The following UNC80 variants were observed in gnomAD, a reference collection of about 807,000 sequenced individuals.
The protein encoded by UNC80 is protein unc-80 homolog.
In UNC80, 164 loss-of-function variants were observed where a neutral mutation model predicts 384.6. The ratio of observed to expected loss-of-function variants is 0.43; its 90% CI spans 0.38 to 0.49. The LOEUF (loss-of-function observed/expected upper bound fraction) is 0.49, where lower values mean the gene tolerates loss of function less well. Ranked by LOEUF, UNC80 falls within the 20% of genes least tolerant of loss-of-function variation. The pLI, the probability that UNC80 is intolerant of heterozygous loss-of-function variation, is 0.00. For missense variants in UNC80, 3,330 were observed against 4,143.0 expected (o/e 0.80, Z 5.39); for synonymous variants, 1,486 against 1,527.8 (o/e 0.97, Z 0.64).
At chr2:209,950,587 T>C (rs2092126329) in intron 47 of UNC80, among the ~76,000 whole-genome samples, 1 of 151,456 alleles carries the variant, frequency 6.6e-6, no homozygotes, top group African/African-American at 2.4e-5. Context: ...AACGGAGTTT[T>C]CGTTCTTGTT....
intron 28 of UNC80, 67 bp from the exon 29 acceptor site, chr2:209,904,698 C>G: frequency 7.3e-7 from 1 of 1,373,390 alleles, no homozygotes; most frequent in Non-Finnish European, 1.0e-6. Context: ...TCTTCCACCC[C>G]ATAGATATGT....
At chr2:209,800,009 A>C (rs1054607962) in intron 7 of UNC80, among the ~76,000 whole-genome samples, 1 of 152,200 alleles carries the variant, frequency 6.6e-6, no homozygotes, top group Non-Finnish European at 1.5e-5. Context: ...AATGTTCATC[A>C]GAGATATTAG....
intron 7 of UNC80, among the ~76,000 whole-genome samples, chr2:209,811,747 G>A (rs1409223032): frequency 6.6e-6 from 1 of 152,156 alleles, no homozygotes; most frequent in Non-Finnish European, 1.5e-5. Context: ...TAGACTGTAA[G>A]ATAGCATTGA....
intron 28 of UNC80, among the ~76,000 whole-genome samples, chr2:209,899,944 A>G (rs1272726674): frequency 6.6e-6 from 1 of 152,110 alleles, no homozygotes; most frequent in Non-Finnish European, 1.5e-5. Context: ...GTAATTCCAA[A>G]TTCTAATTTT....
chr2:209,894,304 A>G lies in UNC80; in HGVS notation c.4418A>G (p.Asp1473Gly). Reference protein sequence around the residue: ...SLKSSKLSRQDSESEAEELQL... With the variant: ...SLKSSKLSRQGSESEAEELQL... ...AAGAGCAGCAAGTTATCACGGCAGG[A>G]CTCAGAGTCTGAGGCTGAGGAGCTG... The change falls in exon 27 of 65, where the codon GAC (aspartate) becomes GGC (glycine). Residue 1473 changes from aspartate (D) to glycine (G), a missense_variant. Physicochemically the swap from Asp to Gly is moderately conservative, Grantham distance 94. Around this residue, in one of 8 missense-constraint regions of UNC80, gnomAD observed 801 missense variants for 950.8 expected, o/e 0.84. Coordinates refer to ENST00000673920, the MANE Select transcript of UNC80 (RefSeq NM_001371986.1). 3 of 985,300 alleles carry G rather than the reference A, an allele frequency of 3.0e-6. No homozygotes were observed. The highest frequency in any genetic ancestry group is 3.6e-6 in the Non-Finnish European group (3 of 829,910). 61.0% of individuals were successfully genotyped at this position (985,300 alleles called of 1,614,324 possible). A position where few individuals can be genotyped will look rare whatever the true frequency, so the allele number is the denominator to read the frequency against.
chr2:209,813,983 T>C, intron 8 of UNC80, 142 bp downstream of exon 8: 1 of 1,100,100 alleles, frequency 9.1e-7, no homozygotes, highest in Non-Finnish European at 1.3e-6. Flanking sequence ...ATCTTTTCCC[T>C]TCCATCTTGC....
chr2:209,866,533 C>CACACATACACACAG lies in UNC80; in HGVS notation c.3628-6224_3628-6223insCACATACACACAGA, dbSNP rs1307214321. Reference sequence around the variant, plus strand: ...ACACACACACACACACACACACACACAGAGAGAGAGAGAGAGAGAGAGAGA... The same window carrying CACACATACACACAG: ...ACACACACACACACACACACACACACACACATACACACAGAGAGAGAGAGAGAGAGAGAGAGAGA... On this transcript the variant is annotated intron_variant, in intron 22 of 64. Transcript: ENST00000673920. Among the ~76,000 whole-genome samples, 9 of 104,136 alleles carry CACACATACACACAG rather than the reference C, an allele frequency of 8.6e-5. No individual in the cohort carries two copies. In the East Asian group the frequency reaches 1.1e-3, roughly 12 times the overall value. 68.3% of individuals were successfully genotyped at this position (104,136 alleles called of 152,430 possible).
At position 209,904,835 on chromosome 2, in the gene UNC80, A is replaced by C. The variant is rs770083418; in HGVS notation, c.4652A>C (p.Tyr1551Ser). Residue 1551 changes from tyrosine to serine, a missense_variant, in exon 29 of 65, where the codon TAC becomes TCC. Physicochemically the swap from Tyr to Ser is moderately radical, Grantham distance 144. Around this residue, in one of 8 missense-constraint regions of UNC80, gnomAD observed 801 missense variants for 950.8 expected, o/e 0.84. Coordinates refer to ENST00000673920, the MANE Select transcript of UNC80 (RefSeq NM_001371986.1). Reference sequence around the variant, plus strand: ...GTTGACTACTGCCATCCCCACTGCTACCTGCACCACAGCCGCTCCTGTGCC... The same window carrying C: ...GTTGACTACTGCCATCCCCACTGCTCCCTGCACCACAGCCGCTCCTGTGCC... Reference protein sequence around the residue: ...THVDYCHPHCYLHHSRSCARL... With the variant: ...THVDYCHPHCSLHHSRSCARL... The C allele has an allele frequency of 6.4e-7, 1 of 1,551,822 alleles. No homozygotes were observed. The highest frequency in any genetic ancestry group is 8.7e-7 in the Non-Finnish European group (1 of 1,147,012).
At chr2:209,849,365 C>T in intron 21 of UNC80, 86 bp from the exon 22 acceptor site, 1 of 1,436,790 alleles carries the variant, frequency 7.0e-7, no homozygotes, top group Non-Finnish European at 9.5e-7. Context: ...AGAAAACACA[C>T]TGTTATATCT....
chr2:209,972,261 A>G lies in UNC80; in HGVS notation c.8317A>G (p.Arg2773Gly). 1 of 1,551,766 alleles carries G rather than the reference A, an allele frequency of 6.4e-7. No homozygotes were observed. Among genetic ancestry groups the G allele is most frequent in the Non-Finnish European group, 8.7e-7 (1 of 1,146,906 alleles). Residue 2773 changes from arginine (R) to glycine (G), a missense_variant, in exon 55 of 65, where the codon AGG becomes GGG. Transcript: ENST00000673920. The part of the protein sequence containing the change: ...VISPFTNQER[R>G]EGMLLNLLIP... Reference sequence around the variant, plus strand: ...CTCCCCATTCACCAATCAAGAGCGAAGGGAGGGGATGCTTTTAAATCTGCT... The same window carrying G: ...CTCCCCATTCACCAATCAAGAGCGAGGGGAGGGGATGCTTTTAAATCTGCT...
chr2:209,909,998 A>T (rs1356832807), intron 29 of UNC80, among the ~76,000 whole-genome samples: 1 of 149,712 alleles, frequency 6.7e-6, no homozygotes, highest in East Asian at 2.0e-4. Flanking sequence ...TAATAGAGGC[A>T]TCTACTAGTG....
Position 209,834,028 on chromosome 2 carries a change from G to T in UNC80, c.2802G>T (p.Leu934=). ...NLGLYCDIRQ[L]VQFIKEAHGN... ...GACTGTATTGTGACATTCGTCAGCT[G>T]GTCCAGTTTATCAAAGAGGCTCATG... The change falls in exon 17 of 65, where the codon CTG becomes CTT. Residue 934 remains leucine, a synonymous_variant. Coordinates refer to ENST00000673920, the MANE Select transcript of UNC80 (RefSeq NM_001371986.1). 1 of 1,551,654 alleles carries T rather than the reference G, an allele frequency of 6.4e-7. No individual in the cohort carries two copies. Among genetic ancestry groups the T allele is most frequent in the South Asian group, 1.2e-5 (1 of 84,044 alleles).
intron 58 of UNC80, 131 bp from the exon 59 acceptor site, chr2:209,978,398 A>G (rs752255090): frequency 1.4e-6 from 1 of 724,900 alleles, no homozygotes; most frequent in African/African-American, 1.8e-5. Context: ...CAACTTTGTT[A>G]TAAAGATCAT....
intron 13 of UNC80, among the ~76,000 whole-genome samples, chr2:209,821,988 G>A (rs187305879): frequency 3.8e-3 from 585 of 152,174 alleles, no homozygotes; most frequent in Admixed American, 7.5e-3. Flanking sequence ...CTGAGCAAGC[G>A]TTGCAATACT....
At chr2:209,810,719 G>A (rs1559127916) in intron 7 of UNC80, among the ~76,000 whole-genome samples, 1 of 152,182 alleles carries the variant, frequency 6.6e-6, no homozygotes, top group Non-Finnish European at 1.5e-5. Flanking sequence ...AGGGTAACGG[G>A]TGAAGAACAA....
intron 23 of UNC80, among the ~76,000 whole-genome samples, chr2:209,876,821 C>A (rs890646889): frequency 1.3e-5 from 2 of 152,102 alleles, no homozygotes; most frequent in Non-Finnish European, 2.9e-5. Flanking sequence ...GTTTTTGCTT[C>A]CTGGTTTTTA....
intron 8 of UNC80, among the ~76,000 whole-genome samples, chr2:209,814,784 A>C (rs995250245): frequency 2.6e-5 from 4 of 152,150 alleles, no homozygotes. Flanking sequence ...AGTGTGTTCC[A>C]GTTGTTTGGA....
At chr2:209,906,757 A>C (rs919172853) in intron 29 of UNC80, among the ~76,000 whole-genome samples, 5 of 152,216 alleles carry the variant, frequency 3.3e-5, no homozygotes, top group Non-Finnish European at 7.3e-5. Flanking sequence ...GTGTGCATAC[A>C]TGTATATGTA....
intron 50 of UNC80, 122 bp downstream of exon 50, chr2:209,959,276 C>A (rs2092514654): frequency 7.7e-6 from 10 of 1,302,940 alleles, no homozygotes; most frequent in Non-Finnish European, 1.1e-5. Flanking sequence ...CTGGGTAAAC[C>A]CCCAAAAGTG....
Sources: allele counts gnomAD v4.1 joint callset (sites outside exome capture counted in the v4.1 genomes callset), GRCh38; gene constraint gnomAD v4.1.1; regional missense constraint gnomAD v4.1.1; transcripts MANE v1.5; gene names NCBI Gene and HGNC (gene_info 2026-07-23, HGNC 2026-07-21).